DAB1: variants seen among roughly 807,000 people sequenced by gnomAD.
DAB1 encodes the protein DAB adaptor protein 1.
Under a neutral mutation model 64.6 loss-of-function variants are expected in DAB1, and 15 were observed. The observed-to-expected ratio is 0.23, with a 90% CI of 0.16 to 0.36. The LOEUF (loss-of-function observed/expected upper bound fraction) is 0.36. Ranked by LOEUF, DAB1 falls within the 10% of genes least tolerant of loss-of-function variation. The pLI is 1.00. For synonymous variants in DAB1, 235 were observed against 251.9 expected, an observed-to-expected ratio of 0.93 and a Z score of 0.64; for missense variants, 596 against 706.7, an observed-to-expected ratio of 0.84 and a Z score of 1.78.
chr1:58,005,110 T>C (rs72922585), intron 5 of DAB1, among the ~76,000 whole-genome samples: 1,833 of 152,262 alleles, frequency 0.012, 33 homozygotes, highest in African/African-American at 0.043. Flanking sequence ...AGTTTACATA[T>C]CATAAAATTC....
At chr1:57,779,665 G>A (rs2101841166) in intron 6 of DAB1, among the ~76,000 whole-genome samples, 1 of 152,314 alleles carries the variant, frequency 6.6e-6, no homozygotes, top group African/African-American at 2.4e-5. Context: ...CAGAAATAGA[G>A]AGGATATTCT....
intron 3 of DAB1, among the ~76,000 whole-genome samples, chr1:58,348,637 C>T (rs1452882322): frequency 2.0e-5 from 3 of 152,164 alleles, no homozygotes; most frequent in Non-Finnish European, 4.4e-5. Flanking sequence ...ATTTATCCAT[C>T]TTTAAAATGA....
At position 57,304,600 on chromosome 1, in the gene DAB1, C is replaced by T. The variant is rs144471502; in HGVS notation, c.-136-13434G>A. ...CTCTGTAAAGCAGGGAAAATGGTAC[C>T]TTACCCATAAGCGTTGCTGAGTAGA... On this transcript the variant is annotated intron_variant, in intron 1 of 14. Coordinates refer to ENST00000371236, the MANE Select transcript of DAB1 (RefSeq NM_001365792.1). Among the ~76,000 whole-genome samples the T allele has an allele frequency of 8.9e-3, 1,358 of 152,230 alleles. 26 individuals carry two copies. Among genetic ancestry groups the T allele is most frequent in the African/African-American group, 0.031 (1,269 of 41,500 alleles).
chr1:58,405,115 A>G (rs1644603702), intron 3 of DAB1, among the ~76,000 whole-genome samples: 1 of 151,980 alleles, frequency 6.6e-6, no homozygotes, highest in South Asian at 2.1e-4. Context: ...AACACCCACC[A>G]TCTTCGATTC....
At chr1:57,217,888 T>TG (rs1317706053) in intron 2 of DAB1, among the ~76,000 whole-genome samples, 1 of 152,072 alleles carries the variant, frequency 6.6e-6, no homozygotes, top group Non-Finnish European at 1.5e-5. Context: ...CTACTCAAGC[T>TG]GCAGGGGCGT....
chr1:57,695,356 A>AAAGAAAGAAAGGAAG (rs1557427730), intron 6 of DAB1, among the ~76,000 whole-genome samples: 2 of 25,148 alleles, frequency 8.0e-5, no homozygotes, highest in African/African-American at 2.2e-4. Flanking sequence ...AAGAAAGAAA[A>AAAGAAAGAAAGGAAG]GAAAGAAGAA....
chr1:58,282,620 G>A (rs1301643701), intron 4 of DAB1, among the ~76,000 whole-genome samples: 5 of 149,652 alleles, frequency 3.3e-5, no homozygotes, highest in Non-Finnish European at 7.4e-5. Context: ...AAAAAAAGGA[G>A]TGTGGGGTGG....
intron 5 of DAB1, among the ~76,000 whole-genome samples, chr1:57,948,137 T>G (rs1051849415): frequency 1.8e-4 from 27 of 152,326 alleles, no homozygotes; most frequent in African/African-American, 6.3e-4. Flanking sequence ...GGAAACTACA[T>G]AACTACCTGC....
chr1:58,468,761 T>C (rs1352555323), intron 3 of DAB1: 4 of 153,012 alleles, frequency 2.6e-5, no homozygotes, highest in African/African-American at 7.2e-5. Context: ...CCTCATGCAA[T>C]AGTCATCCAT....
chr1:58,537,329 A>G (rs1336660955), intron 1 of DAB1, among the ~76,000 whole-genome samples: 1 of 152,136 alleles, frequency 6.6e-6, no homozygotes, highest in Non-Finnish European at 1.5e-5. Context: ...TGCTCCTCAG[A>G]CCTCCAACAC....
At chr1:58,406,714 C>T in intron 3 of DAB1, among the ~76,000 whole-genome samples, 1 of 82,392 alleles carries the variant, frequency 1.2e-5, no homozygotes, top group Non-Finnish European at 2.6e-5. Flanking sequence ...TATCATCCCC[C>T]CCCCCCAACT....
At chr1:58,407,796 T>C (rs1644630459) in intron 3 of DAB1, among the ~76,000 whole-genome samples, 1 of 152,168 alleles carries the variant, frequency 6.6e-6, no homozygotes, top group South Asian at 2.1e-4. Flanking sequence ...ACCCTCTCCA[T>C]GGAGCAGCCA....
At chr1:57,637,884 A>G (rs1272826104) in intron 7 of DAB1, among the ~76,000 whole-genome samples, 1 of 152,208 alleles carries the variant, frequency 6.6e-6, no homozygotes, top group Non-Finnish European at 1.5e-5. Context: ...ACAATAGGGA[A>G]ATGACTAAAT....
chr1:58,489,213 C>T (rs75082463), intron 3 of DAB1, among the ~76,000 whole-genome samples: 14 of 152,146 alleles, frequency 9.2e-5, no homozygotes, highest in East Asian at 1.9e-4. Flanking sequence ...GGGTAACAGA[C>T]GGCACCTGGA....
chr1:58,464,807 A>G (rs1645278466), intron 3 of DAB1, among the ~76,000 whole-genome samples: 1 of 152,240 alleles, frequency 6.6e-6, no homozygotes, highest in Non-Finnish European at 1.5e-5. Flanking sequence ...GGCTAACCCT[A>G]GCCCAGGAGA....
At chr1:57,389,464 T>C (rs944616166) in intron 1 of DAB1, among the ~76,000 whole-genome samples, 1 of 152,178 alleles carries the variant, frequency 6.6e-6, no homozygotes, top group African/African-American at 2.4e-5. Flanking sequence ...TTTGTACCCA[T>C]GTGGGTTCAA....
intron 7 of DAB1, among the ~76,000 whole-genome samples, chr1:57,562,297 A>G (rs909957945): frequency 6.6e-6 from 1 of 151,854 alleles, no homozygotes; most frequent in Non-Finnish European, 1.5e-5. Context: ...CGCTTGGACC[A>G]GGGAGACAGA....
intron 1 of DAB1, among the ~76,000 whole-genome samples, chr1:58,546,050 G>T (rs1356583215): frequency 6.6e-6 from 1 of 152,206 alleles, no homozygotes; most frequent in Non-Finnish European, 1.5e-5. Context: ...TCTTGTTGAG[G>T]ATTGCACGGC....
intron 4 of DAB1, among the ~76,000 whole-genome samples, chr1:58,211,669 T>A (rs982669211): frequency 6.6e-6 from 1 of 152,186 alleles, no homozygotes; most frequent in African/African-American, 2.4e-5. Flanking sequence ...GAAGAAAATA[T>A]TCTCAAAGTG....
Sources: gnomAD v4.1 joint callset for allele counts (sites outside exome capture counted in the v4.1 genomes callset) on GRCh38, gnomAD v4.1.1 for gene constraint, MANE v1.5 for transcripts, NCBI Gene and HGNC (gene_info 2026-07-23, HGNC 2026-07-21) for gene names.